Variants in FOCAD observed in about 807,000 individuals in gnomAD.
The protein encoded by FOCAD is KIAA1797.
FOCAD carries 198 observed loss-of-function variants against 225.6 expected under a neutral mutation model. The ratio of observed to expected loss-of-function variants is 0.88; its 90% CI spans 0.78 to 0.99. FOCAD has a LOEUF of 0.99. Ranked by LOEUF, FOCAD falls within the 50% of genes least tolerant of loss-of-function variation. FOCAD has a pLI of 0.00. For synonymous variants in FOCAD, 897 were observed against 755.0 expected, an observed-to-expected ratio of 1.19 and a Z score of -3.08; for missense variants, 2,713 against 2,123.6, an observed-to-expected ratio of 1.28 and a Z score of -5.46.
intron 35 of FOCAD, among the ~76,000 whole-genome samples, chr9:20,967,282 G>C (rs1283113837): frequency 6.6e-6 from 1 of 152,028 alleles, no homozygotes; most frequent in Non-Finnish European, 1.5e-5. Flanking sequence ...GAGTGCTATT[G>C]CAAGTGGAAT....
At chr9:20,823,526 A>G (rs1824550567) in intron 15 of FOCAD, among the ~76,000 whole-genome samples, 4 of 152,086 alleles carry the variant, frequency 2.6e-5, no homozygotes, top group South Asian at 2.1e-4. Context: ...GGAAAGAACC[A>G]TTCATTCCTG....
intron 8 of FOCAD, among the ~76,000 whole-genome samples, chr9:20,771,611 T>G (rs994329532): frequency 1.3e-5 from 2 of 151,974 alleles, no homozygotes; most frequent in Admixed American, 6.5e-5. Context: ...ATACAAAAAA[T>G]TAGCTGGGTG....
At chr9:20,831,975 TC>T (rs1825539399) in intron 15 of FOCAD, among the ~76,000 whole-genome samples, 1 of 152,070 alleles carries the variant, frequency 6.6e-6, no homozygotes, top group African/African-American at 2.4e-5. Flanking sequence ...GTTTGGTTTT[TC>T]AATTGGCATA....
At position 20,897,457 on chromosome 9, in the gene FOCAD, T is replaced by C. The variant is rs544473083; in HGVS notation, c.2626-9693T>C. 4.0e-5 allele frequency among the ~76,000 whole-genome samples: 6 copies of C among 151,846 alleles called. No homozygotes were observed. The South Asian group carries it at 1.2e-3, about 31-fold the overall frequency. On this transcript the variant is annotated intron_variant, in intron 21 of 43. Coordinates refer to ENST00000338382, the MANE Select transcript of FOCAD (RefSeq NM_001375567.1). ...GCTCATGTTCTTTATTCTGCTTTTG[T>C]ATTCTTTTTTTGTCCTTACGGTTTC...
Position 20,781,697 on chromosome 9 carries a change from A to G in FOCAD, c.995-30A>G, listed in dbSNP as rs774819350. 3.7e-6 allele frequency: 6 copies of G among 1,601,000 alleles called. No individual in the cohort carries two copies. In the Admixed American group the frequency reaches 8.4e-5, roughly 22 times the overall value. On this transcript the variant is annotated intron_variant, in intron 9 of 43. Transcript: ENST00000338382. ...TTGTTTGACTGTGGTATTAATTTTT[A>G]AAAATGTGCATTATTGTTTTGATGA...
rs79431145 is a variant in FOCAD, at chr9:20,670,167, C to T, written c.-78+11341C>T. On this transcript the variant is annotated intron_variant, in intron 2 of 45. Coordinates refer to the FOCAD transcript ENST00000380249. ...CTGAACTCTTATTAGGGGCCCAAGG[C>T]CTGGTGCACAGTAAGTATTTATTTG... 2.9e-3 allele frequency among the ~76,000 whole-genome samples: 448 copies of T among 152,212 alleles called. 1 individual carries two copies. The highest frequency in any genetic ancestry group is 4.2e-3 in the Non-Finnish European group (287 of 68,004).
intron 8 of FOCAD, among the ~76,000 whole-genome samples, chr9:20,777,779 A>G (rs1279928325): frequency 2.0e-5 from 3 of 152,112 alleles, no homozygotes; most frequent in African/African-American, 7.2e-5. Flanking sequence ...TAAATTTAGT[A>G]TTTTAGGCAA....
intron 11 of FOCAD, among the ~76,000 whole-genome samples, chr9:20,805,711 A>G (rs1017108632): frequency 6.6e-6 from 1 of 152,188 alleles, no homozygotes; most frequent in Non-Finnish European, 1.5e-5. Flanking sequence ...TGTTACAGGT[A>G]TCTTGATGGG....
chr9:20,735,586 G>A (rs1192343463), intron 4 of FOCAD, among the ~76,000 whole-genome samples: 1 of 150,670 alleles, frequency 6.6e-6, no homozygotes, highest in African/African-American at 2.4e-5. Flanking sequence ...TGAGATCATA[G>A]CTCACTGTAA....
intron 1 of FOCAD, among the ~76,000 whole-genome samples, chr9:20,690,659 C>A (rs899200739): frequency 1.3e-5 from 2 of 152,166 alleles, no homozygotes; most frequent in Non-Finnish European, 2.9e-5. Flanking sequence ...AGTGGTACTT[C>A]TGCCTTGCCT....
At chr9:20,786,870 C>CG (rs1819973932) in intron 10 of FOCAD, 2 of 213,204 alleles carry the variant, frequency 9.4e-6, no homozygotes, top group Non-Finnish European at 2.0e-5. Flanking sequence ...ATATAATTCA[C>CG]ATAACATAAA....
chr9:20,822,942 A>C (rs369490188), intron 14 of FOCAD, 47 bp from the exon 15 acceptor site: 73 of 1,531,630 alleles, frequency 4.8e-5, no homozygotes, highest in Non-Finnish European at 6.0e-5. Flanking sequence ...GGGAGTGATA[A>C]CTGCACTTTA....
chr9:20,766,588 C>T lies in FOCAD; in HGVS notation c.699+1515C>T, dbSNP rs1830068216. On this transcript the variant is annotated intron_variant, in intron 7 of 43. Transcript: ENST00000338382. ...AATGAAATAAGCTTTTAAAAAAACC[C>T]CATCTGTATCCTATCTTATTTTTCT... is the stretch of plus-strand genomic sequence containing the variant. Among the ~76,000 whole-genome samples, 4 of 152,030 alleles carry T rather than the reference C, an allele frequency of 2.6e-5. No individual in the cohort carries two copies. The South Asian group carries it at 8.3e-4, about 32-fold the overall frequency.
intron 7 of FOCAD, among the ~76,000 whole-genome samples, chr9:20,766,616 C>G (rs1363100636): frequency 6.6e-6 from 1 of 151,554 alleles, no homozygotes; most frequent in Non-Finnish European, 1.5e-5. Context: ...ATTTTTCTCC[C>G]TTCTTTCCTT....
intron 29 of FOCAD, 37 bp downstream of exon 29, chr9:20,944,811 C>T (rs960277914): frequency 9.9e-5 from 156 of 1,573,270 alleles, no homozygotes; most frequent in Non-Finnish European, 1.3e-4. Context: ...CCCCTCTGCT[C>T]TCTTTTGTTT....
intron 19 of FOCAD, among the ~76,000 whole-genome samples, chr9:20,880,668 A>C (rs950627946): frequency 7.2e-5 from 11 of 152,182 alleles, no homozygotes; most frequent in Non-Finnish European, 1.5e-5. Flanking sequence ...TCCTGTCAGA[A>C]ATGGGTATAT....
chr9:20,878,219 T>C (rs1051625185), intron 19 of FOCAD, among the ~76,000 whole-genome samples: 1 of 152,160 alleles, frequency 6.6e-6, no homozygotes, highest in Non-Finnish European at 1.5e-5. Context: ...ATGAAATACA[T>C]AGCATAGCAA....
chr9:20,832,451 A>G (rs1469101562), intron 15 of FOCAD, among the ~76,000 whole-genome samples: 1 of 151,848 alleles, frequency 6.6e-6, no homozygotes, highest in East Asian at 1.9e-4. Context: ...ATGAGGGTGC[A>G]TGAGATGTTT....
intron 6 of FOCAD, among the ~76,000 whole-genome samples, chr9:20,764,091 T>G: frequency 6.6e-6 from 1 of 152,188 alleles, no homozygotes; most frequent in Admixed American, 6.5e-5. Flanking sequence ...CTGTAAGGGT[T>G]AACAGGTTAA....
Sources: gnomAD v4.1 joint callset for allele counts (sites outside exome capture counted in the v4.1 genomes callset) on GRCh38, gnomAD v4.1.1 for gene constraint, MANE v1.5 for transcripts, NCBI Gene and HGNC (gene_info 2026-07-23, HGNC 2026-07-21) for gene names.